The following EPHA6 variants were observed in gnomAD, a reference collection of about 807,000 sequenced individuals.
EPHA6 encodes EPH receptor A6.
In EPHA6, 50 loss-of-function variants were observed where a neutral mutation model predicts 112.0. The ratio of observed to expected loss-of-function variants is 0.45; its 90% CI spans 0.36 to 0.56. The LOEUF (loss-of-function observed/expected upper bound fraction) is 0.56. Ranked by LOEUF, EPHA6 falls within the 20% of genes least tolerant of loss-of-function variation. The pLI is 0.00. For synonymous variants in EPHA6, 529 were observed against 490.7 expected (o/e 1.08, Z -1.03); for missense variants, 1,280 against 1,417.4 (o/e 0.90, Z 1.56).
chr3:97,536,228 A>G (rs1432661237), intron 11 of EPHA6, among the ~76,000 whole-genome samples: 3 of 152,170 alleles, frequency 2.0e-5, no homozygotes, highest in Non-Finnish European at 2.9e-5. Context: ...TATAACCAAC[A>G]GAGAAAGAGC....
At chr3:96,985,202 A>G (rs2042972835) in intron 2 of EPHA6, among the ~76,000 whole-genome samples, 1 of 152,108 alleles carries the variant, frequency 6.6e-6, no homozygotes. Context: ...CACCCCCCGG[A>G]ATATAATTCT....
chr3:96,836,541 A>G lies in EPHA6; in HGVS notation c.385+21533A>G, dbSNP rs150370879. On this transcript the variant is annotated intron_variant, in intron 1 of 17. Transcript: ENST00000389672. Reference sequence around the variant, plus strand: ...TTCTTTCACATACTGTTTTACAGCAATGCTGACATCTGTAAACATTGCCAA... The same window carrying G: ...TTCTTTCACATACTGTTTTACAGCAGTGCTGACATCTGTAAACATTGCCAA... Among the ~76,000 whole-genome samples the G allele has an allele frequency of 4.1e-3, 627 of 152,310 alleles. 7 individuals are homozygous for G. Among genetic ancestry groups the G allele is most frequent in the African/African-American group, 0.014 (574 of 41,578 alleles).
chr3:97,464,636 C>T (rs140032191), intron 7 of EPHA6, among the ~76,000 whole-genome samples: 291 of 152,084 alleles, frequency 1.9e-3, no homozygotes, highest in African/African-American at 6.8e-3. Context: ...AGTCCCCCAC[C>T]ACAGGATACT....
At position 96,814,940 on chromosome 3, in the gene EPHA6, A is replaced by T. The variant is rs1437416730; in HGVS notation, c.317A>T (p.Gln106Leu). 6.4e-7 allele frequency: 1 copy of T among 1,550,958 alleles called. No individual in the cohort carries two copies. The highest frequency in any genetic ancestry group is 8.7e-7 in the Non-Finnish European group (1 of 1,146,438). The change falls in exon 1 of 18, where the codon CAA becomes CTA. Residue 106 changes from glutamine (Q) to leucine (L), a missense_variant. Transcript: ENST00000389672. ...TGCGAAGTCCGGGAATTTCTTTTGC[A>T]ATTTGGTTTCTTCTTGCCTCTGCTG... ...GGCEVREFLL[Q>L]FGFFLPLLTA...
intron 11 of EPHA6, among the ~76,000 whole-genome samples, chr3:97,589,101 C>CA (rs1490187416): frequency 2.6e-5 from 4 of 151,954 alleles, no homozygotes; most frequent in South Asian, 2.1e-4. Context: ...TGTGACCCAA[C>CA]ACAAGTTCCT....
chr3:97,648,284 A>G, intron 14 of EPHA6: 1 of 1,028,990 alleles, frequency 9.7e-7, no homozygotes, highest in South Asian at 1.3e-5. Context: ...TTGCATTCAT[A>G]GGACCTCTTC....
chr3:97,165,635 T>C (rs1278819538), intron 3 of EPHA6, among the ~76,000 whole-genome samples: 2 of 152,064 alleles, frequency 1.3e-5, no homozygotes, highest in African/African-American at 4.8e-5. Context: ...TAGAAGTGAT[T>C]GTTATAGCCT....
chr3:97,646,795 C>T lies in EPHA6; in HGVS notation c.2784+8713C>T, dbSNP rs2094068053. Among the ~76,000 whole-genome samples, 3 of 152,264 alleles carry T rather than the reference C, an allele frequency of 2.0e-5. No homozygotes were observed. The South Asian group carries it at 6.2e-4, about 32-fold the overall frequency. On this transcript the variant is annotated intron_variant, in intron 14 of 17. Coordinates refer to ENST00000389672, the MANE Select transcript of EPHA6 (RefSeq NM_001080448.3). ...CAAGTTATGTGAAATGGGTTTACTT[C>T]TTATAGATAATTAGCAAGGGACAGA... is the stretch of plus-strand genomic sequence containing the variant.
At chr3:97,616,407 G>T (rs1419483212) in intron 13 of EPHA6, among the ~76,000 whole-genome samples, 3 of 152,120 alleles carry the variant, frequency 2.0e-5, no homozygotes, top group Admixed American at 2.0e-4. Flanking sequence ...TCCAGCAAGG[G>T]TTCAGAACTG....
chr3:97,091,286 G>A lies in EPHA6; in HGVS notation c.1114+103293G>A, dbSNP rs116420743. On this transcript the variant is annotated intron_variant, in intron 3 of 17. Coordinates refer to ENST00000389672, the MANE Select transcript of EPHA6 (RefSeq NM_001080448.3). Reference sequence around the variant, plus strand: ...TTTTCTATGCCATTAGCTCAAAAGGGATCCCCGCAAACTAACTGGAAACAA... The same window carrying A: ...TTTTCTATGCCATTAGCTCAAAAGGAATCCCCGCAAACTAACTGGAAACAA... Among the ~76,000 whole-genome samples the A allele has an allele frequency of 4.7e-3, 719 of 152,188 alleles. 6 individuals carry two copies. The highest frequency in any genetic ancestry group is 0.017 in the African/African-American group (694 of 41,546).
intron 5 of EPHA6, among the ~76,000 whole-genome samples, chr3:97,256,573 T>C (rs978136008): frequency 6.6e-6 from 1 of 152,062 alleles, no homozygotes; most frequent in African/African-American, 2.4e-5. Context: ...CAGATGGTAT[T>C]TCTATACTGT....
At chr3:97,012,493 T>C (rs1041689066) in intron 3 of EPHA6, among the ~76,000 whole-genome samples, 3 of 149,674 alleles carry the variant, frequency 2.0e-5, no homozygotes, top group African/African-American at 7.3e-5. Context: ...CAACTAATTA[T>C]GTATATTCAT....
chr3:96,881,124 TTG>T (rs1224035234), intron 2 of EPHA6, among the ~76,000 whole-genome samples: 1 of 152,180 alleles, frequency 6.6e-6, no homozygotes, highest in Non-Finnish European at 1.5e-5. Flanking sequence ...TGAACTATTT[TTG>T]TGTTCTCATC....
chr3:97,063,029 A>G (rs2046070339), intron 3 of EPHA6, among the ~76,000 whole-genome samples: 1 of 152,158 alleles, frequency 6.6e-6, no homozygotes, highest in South Asian at 2.1e-4. Context: ...CAGAATGGCT[A>G]TTACTAAAAA....
intron 3 of EPHA6, among the ~76,000 whole-genome samples, chr3:97,224,706 A>AATAAC (rs1326696230): frequency 3.9e-5 from 6 of 152,082 alleles, no homozygotes; most frequent in Non-Finnish European, 8.8e-5. Context: ...TATTCTACAG[A>AATAAC]ATAACATAAA....
intron 16 of EPHA6, among the ~76,000 whole-genome samples, chr3:97,742,260 C>A (rs1260251312): frequency 6.6e-6 from 1 of 152,090 alleles, no homozygotes; most frequent in African/African-American, 2.4e-5. Context: ...CAATGAATTG[C>A]AGTTGGCATG....
intron 3 of EPHA6, among the ~76,000 whole-genome samples, chr3:96,991,245 A>T (rs2043205120): frequency 6.6e-6 from 1 of 152,200 alleles, no homozygotes; most frequent in Non-Finnish European, 1.5e-5. Context: ...TGTTTCTGTT[A>T]TTCATTGCTA....
rs199557384 is a variant in EPHA6 at position 97,468,413 on chromosome 3, G to GA, written c.1895-6931dup. Among the ~76,000 whole-genome samples, 1,262 of 149,866 alleles carry GA rather than the reference G, an allele frequency of 8.4e-3. 13 individuals carry two copies. Among genetic ancestry groups the GA allele is most frequent in the African/African-American group, 0.027 (1,104 of 40,888 alleles). On this transcript the variant is annotated intron_variant, in intron 7 of 17. Coordinates refer to ENST00000389672, the MANE Select transcript of EPHA6 (RefSeq NM_001080448.3). The stretch of plus-strand genomic sequence containing the variant: ...TCAAAGCCTAGGCAGGGATATTTAG[G>GA]AAAAAAAATGACCCACATTATTTTC...
chr3:97,645,798 T>G (rs1024612457), intron 14 of EPHA6, among the ~76,000 whole-genome samples: 23 of 152,222 alleles, frequency 1.5e-4, no homozygotes, highest in African/African-American at 5.3e-4. Context: ...TATATAACTT[T>G]CTTTGAACGT....
Sources: allele counts gnomAD v4.1 joint callset (sites outside exome capture counted in the v4.1 genomes callset), GRCh38; gene constraint gnomAD v4.1.1; transcripts MANE v1.5; gene names NCBI Gene and HGNC (gene_info 2026-07-23, HGNC 2026-07-21).